NOL10: variants seen among roughly 807,000 people sequenced by gnomAD.
The protein encoded by NOL10 is nucleolar protein 10.
Under a neutral mutation model 103.5 loss-of-function variants are expected in NOL10, and 58 were observed. That is an observed-to-expected ratio of 0.56 (90% confidence interval 0.45 to 0.70). NOL10 has a LOEUF of 0.70. NOL10 is among the 30% of genes least tolerant of loss of function. The probability of loss-of-function intolerance (pLI) is 0.00; values close to 1 mark genes in which losing one functional copy is unlikely to be tolerated. For missense variants in NOL10, 763 were observed against 807.3 expected (o/e 0.95, Z 0.67); for synonymous variants, 287 against 282.5 (o/e 1.02, Z -0.16).
At chr2:10,636,420 CAAAAA>C (rs70953327) in intron 13 of NOL10, among the ~76,000 whole-genome samples, 143 of 54,698 alleles carry the variant, frequency 2.6e-3, no homozygotes, top group African/African-American at 0.01. Context: ...TACAAAAAAC[CAAAAA>C]AAAAAAAAAA....
At chr2:10,581,398 C>G (rs1418080084) in intron 19 of NOL10, among the ~76,000 whole-genome samples, 3 of 101,674 alleles carry the variant, frequency 3.0e-5, no homozygotes, top group Non-Finnish European at 5.8e-5. Context: ...GCAACCTCAA[C>G]ACCCATCGTC....
chr2:10,588,508 C>A (rs1051664659), intron 19 of NOL10, among the ~76,000 whole-genome samples: 2 of 152,188 alleles, frequency 1.3e-5, no homozygotes, highest in African/African-American at 4.8e-5. Context: ...GTAACCTTTT[C>A]AATAACCAGG....
chr2:10,612,810 C>T (rs114970166), intron 13 of NOL10, among the ~76,000 whole-genome samples: 241 of 152,260 alleles, frequency 1.6e-3, no homozygotes, highest in African/African-American at 5.6e-3. Context: ...TATTCTTTTA[C>T]AAGCCTGGGC....
At chr2:10,659,030 G>C in intron 10 of NOL10, 142 bp downstream of exon 10, 1 of 653,756 alleles carries the variant, frequency 1.5e-6, no homozygotes, top group Non-Finnish European at 2.7e-6. Context: ...AGGTGTGGAA[G>C]AATCCAGCAT....
intron 9 of NOL10, among the ~76,000 whole-genome samples, chr2:10,662,182 A>G (rs1352800362): frequency 6.6e-6 from 1 of 152,248 alleles, no homozygotes; most frequent in Non-Finnish European, 1.5e-5. Context: ...GCCTACAGCA[A>G]AGGGCTGTCG....
intron 13 of NOL10, among the ~76,000 whole-genome samples, chr2:10,610,989 A>AT (rs1367502684): frequency 6.6e-6 from 1 of 151,446 alleles, no homozygotes; most frequent in East Asian, 1.9e-4. Flanking sequence ...TTTTCTTTTT[A>AT]TTTTTTTAGA....
intron 13 of NOL10, among the ~76,000 whole-genome samples, chr2:10,609,243 A>G (rs1292274255): frequency 1.1e-5 from 1 of 94,924 alleles, no homozygotes; most frequent in Non-Finnish European, 2.0e-5. Flanking sequence ...GAAGGGGAAG[A>G]TGGCTTAAAA....
intron 13 of NOL10, among the ~76,000 whole-genome samples, chr2:10,641,745 A>G (rs938470307): frequency 1.3e-5 from 2 of 152,130 alleles, no homozygotes; most frequent in African/African-American, 4.8e-5. Context: ...TCTTACAACC[A>G]TAACAACCCT....
intron 12 of NOL10, among the ~76,000 whole-genome samples, chr2:10,645,128 A>T (rs1024738071): frequency 6.6e-6 from 1 of 152,234 alleles, no homozygotes; most frequent in Non-Finnish European, 1.5e-5. Context: ...CTCTCAAAGA[A>T]GATGTATCAT....
At chr2:10,609,932 A>G (rs1676464523) in intron 13 of NOL10, among the ~76,000 whole-genome samples, 1 of 152,216 alleles carries the variant, frequency 6.6e-6, no homozygotes, top group Admixed American at 6.5e-5. Flanking sequence ...TAGGTGCTCA[A>G]TAACTATGTG....
chr2:10,634,116 C>T (rs933908160), intron 13 of NOL10, among the ~76,000 whole-genome samples: 2 of 152,176 alleles, frequency 1.3e-5, no homozygotes, highest in African/African-American at 2.4e-5. Flanking sequence ...GTGTGACCAA[C>T]CGCACTGGGC....
chr2:10,627,873 T>TA (rs70953326), intron 13 of NOL10, among the ~76,000 whole-genome samples: 46,464 of 151,532 alleles, frequency 0.31, 7,867 homozygotes, highest in Non-Finnish European at 0.39. Context: ...CCTATACATG[T>TA]ACCCCCTGAA....
chr2:10,603,879 C>A (rs1464415807), intron 14 of NOL10, among the ~76,000 whole-genome samples: 3 of 152,174 alleles, frequency 2.0e-5, no homozygotes, highest in African/African-American at 7.2e-5. Flanking sequence ...AGACTGAGAT[C>A]TTCAAAATAA....
At chr2:10,666,868 T>C (rs1045948396) in intron 8 of NOL10, among the ~76,000 whole-genome samples, 4 of 152,198 alleles carry the variant, frequency 2.6e-5, no homozygotes, top group African/African-American at 4.8e-5. Context: ...CTCTGGGGTG[T>C]AGGATTTGGT....
intron 13 of NOL10, among the ~76,000 whole-genome samples, chr2:10,638,300 A>ACGTGACGTG (rs1558311089): frequency 6.9e-5 from 6 of 87,092 alleles, no homozygotes; most frequent in African/African-American, 2.3e-4. Context: ...AAAATAACGT[A>ACGTGACGTG]ACGTGACGTG....
chr2:10,664,574 T>G (rs1481020852), intron 8 of NOL10, among the ~76,000 whole-genome samples: 2 of 152,228 alleles, frequency 1.3e-5, no homozygotes, highest in Non-Finnish European at 2.9e-5. Context: ...CAAGGTCTTG[T>G]TCAGTCGCCC....
intron 17 of NOL10, among the ~76,000 whole-genome samples, chr2:10,591,797 A>G (rs905357772): frequency 5.9e-5 from 9 of 152,206 alleles, no homozygotes; most frequent in African/African-American, 1.9e-4. Flanking sequence ...TGAGGCCAGA[A>G]GTTCAAGACC....
intron 20 of NOL10, among the ~76,000 whole-genome samples, chr2:10,573,708 C>T (rs4669595): frequency 0.25 from 37,147 of 150,890 alleles, 6,366 homozygotes; most frequent in African/African-American, 0.45. Flanking sequence ...GTTCTTAAAC[C>T]GGGTTTCTGC....
intron 12 of NOL10, among the ~76,000 whole-genome samples, chr2:10,653,996 T>A (rs562505850): frequency 1.4e-4 from 21 of 152,326 alleles, no homozygotes; most frequent in African/African-American, 4.8e-4. Context: ...TTGCCTTGAA[T>A]GCACTGTTAA....
Sources: allele counts gnomAD v4.1 joint callset (sites outside exome capture counted in the v4.1 genomes callset), GRCh38; gene constraint gnomAD v4.1.1; transcripts MANE v1.5; gene names NCBI Gene and HGNC (gene_info 2026-07-23, HGNC 2026-07-21).